The following FAM135A variants were observed in gnomAD, a reference collection of about 807,000 sequenced individuals.
FAM135A encodes the protein protein FAM135A.
A neutral mutation model predicts 146.8 loss-of-function variants in FAM135A; 79 were observed. That is an observed-to-expected ratio of 0.54 (90% CI 0.45 to 0.65). The LOEUF is 0.65. Among genes scored for constraint, FAM135A ranks in the 30% least tolerant of loss-of-function variants. The pLI is 0.00. For missense variants in FAM135A, 1,623 were observed against 1,758.2 expected (o/e 0.92, Z 1.38); for synonymous variants, 562 against 603.6 (o/e 0.93, Z 1.01).
intron 10 of FAM135A, chr6:70,486,087 T>A: frequency 8.2e-7 from 1 of 1,216,212 alleles, no homozygotes; most frequent in Non-Finnish European, 1.2e-6. Flanking sequence ...AAGTCTATTA[T>A]TAACAAGTTG....
chr6:70,451,888 A>G (rs1166792130), intron 4 of FAM135A, among the ~76,000 whole-genome samples: 2 of 152,062 alleles, frequency 1.3e-5, no homozygotes, highest in African/African-American at 2.4e-5. Context: ...TAAGACAGTC[A>G]TATTATAGTT....
At chr6:70,414,156 C>T in intron 1 of FAM135A, 1 of 567,726 alleles carries the variant, frequency 1.8e-6, no homozygotes, top group Non-Finnish European at 2.2e-6. Flanking sequence ...CTCTGTGCTT[C>T]CATCCCTTGC....
intron 20 of FAM135A, among the ~76,000 whole-genome samples, chr6:70,543,057 T>C (rs7756774): frequency 0.2 from 30,899 of 152,150 alleles, 3,484 homozygotes; most frequent in African/African-American, 0.3. Flanking sequence ...CCCACATACA[T>C]ATTCAGTATG....
chr6:70,550,979 C>G (rs1799722411), intron 20 of FAM135A, among the ~76,000 whole-genome samples: 1 of 152,162 alleles, frequency 6.6e-6, no homozygotes, highest in African/African-American at 2.4e-5. Context: ...TGCTGGCTTC[C>G]AGCTGTTCTG....
At chr6:70,414,025 AC>A in intron 1 of FAM135A, 1 of 985,262 alleles carries the variant, frequency 1.0e-6, no homozygotes, top group South Asian at 4.7e-5. Context: ...TTTGCCCTTC[AC>A]CCCTGCTCCA....
rs763924070 is a variant in FAM135A, at chr6:70,477,197, G to A, written c.407G>A (p.Arg136Gln). 11 of 1,613,460 alleles carry A rather than the reference G, an allele frequency of 6.8e-6. No homozygotes were observed. The South Asian group carries it at 7.7e-5, about 11-fold the overall frequency. The part of the protein sequence containing the change: ...DLNALQLISS[R>Q]TLKLHFSPHR... Reference sequence around the variant, plus strand: ...AATGCCTTGCAACTAATAAGTAGCCGAACATTGAAGCTGCACTTTAGCCCC... The same window carrying A: ...AATGCCTTGCAACTAATAAGTAGCCAAACATTGAAGCTGCACTTTAGCCCC... The change falls in exon 8 of 22, where the codon CGA becomes CAA. Residue 136 changes from arginine to glutamine, a missense_variant. Coordinates refer to ENST00000418814, the MANE Select transcript of FAM135A (RefSeq NM_001162529.3).
chr6:70,552,926 T>G (rs1322096882), intron 20 of FAM135A, among the ~76,000 whole-genome samples: 3 of 152,194 alleles, frequency 2.0e-5, no homozygotes, highest in African/African-American at 7.2e-5. Flanking sequence ...TTTGAGAGCC[T>G]ACTGTTTGTT....
chr6:70,503,926 GGCTATTACAAACCAA>G (rs1221205100), intron 12 of FAM135A: 1 of 152,080 alleles, frequency 6.6e-6, no homozygotes, highest in East Asian at 1.9e-4. Flanking sequence ...TCTAACTTGT[GGCTATTACAAACCAA>G]GCTGCTATGA....
chr6:70,550,557 G>A (rs1192745487), intron 20 of FAM135A, among the ~76,000 whole-genome samples: 1 of 152,134 alleles, frequency 6.6e-6, no homozygotes, highest in Non-Finnish European at 1.5e-5. Context: ...TCAACTGTGG[G>A]CTTAAAATAT....
In FAM135A at chr6:70,524,614, A is replaced by G; in HGVS notation, c.1530A>G (p.Ile510Met). 1 of 1,544,126 alleles carries G rather than the reference A, an allele frequency of 6.5e-7. No individual in the cohort carries two copies. The highest frequency in any genetic ancestry group is 8.7e-7 in the Non-Finnish European group (1 of 1,145,126). Reference sequence around the variant, plus strand: ...AATCTGAAAACACAAAAAAATTAATAAAACAGAACTCTAAGGATTCTGTGG... The same window carrying G: ...AATCTGAAAACACAAAAAAATTAATGAAACAGAACTCTAAGGATTCTGTGG... ...TMKSENTKKLIKQNSKDSVVL... is the reference protein window; with the variant it reads ...TMKSENTKKLMKQNSKDSVVL... Residue 510 changes from isoleucine (I) to methionine (M), a missense_variant, in exon 15 of 22, where the codon ATA (isoleucine) becomes ATG (methionine). By Grantham distance (10) the Ile-to-Met change is conservative. Transcript: ENST00000418814.
chr6:70,526,014 C>T lies in FAM135A; in HGVS notation c.2930C>T (p.Pro977Leu), dbSNP rs1794618707. 6.2e-7 allele frequency: 1 copy of T among 1,612,116 alleles called. No homozygotes were observed. ...TCAAAACTGATTTGTTTAGGCACTC[C>T]TTGTGTCATTTCAGGTTCCATTTCT... Reference protein sequence around the residue: ...LNSKLICLGTPCVISGSISSN... With the variant: ...LNSKLICLGTLCVISGSISSN... The change falls in exon 15 of 22, where the codon CCT (proline) becomes CTT (leucine). Residue 977 changes from proline to leucine, a missense_variant. Around this residue, in one of 7 missense-constraint regions of FAM135A, gnomAD observed 1,061 missense variants for 1,113.8 expected, o/e 0.95. Transcript: ENST00000418814.
chr6:70,533,758 A>G lies in FAM135A; in HGVS notation c.3869A>G (p.Asn1290Ser), dbSNP rs769511196. ...GTATGTGCTTTGCTTTCTTTTTAGA[A>G]TGATACTTTTGCTGATTTTGATAGC... ...IDFLMSERNQNDTFADFDSMT... is the reference protein window; with the variant it reads ...IDFLMSERNQSDTFADFDSMT... The change falls in exon 18 of 22, where the codon AAT becomes AGT. Residue 1290 changes from asparagine to serine, a missense_variant and splice_region_variant. By Grantham distance (46) the Asn-to-Ser change is conservative. Transcript: ENST00000418814. 3 of 1,566,926 alleles carry G rather than the reference A, an allele frequency of 1.9e-6. No individual in the cohort carries two copies. Among genetic ancestry groups the G allele is most frequent in the South Asian group, 2.4e-5 (2 of 83,004 alleles).
chr6:70,541,458 A>T (rs1223810742), intron 20 of FAM135A, among the ~76,000 whole-genome samples: 1 of 151,846 alleles, frequency 6.6e-6, no homozygotes, highest in Non-Finnish European at 1.5e-5. Flanking sequence ...TCCTTTCTCC[A>T]TTTTTGTGGG....
At chr6:70,439,785 C>CTTT (rs1464807274) in intron 4 of FAM135A, among the ~76,000 whole-genome samples, 2 of 152,144 alleles carry the variant, frequency 1.3e-5, no homozygotes, top group African/African-American at 4.8e-5. Flanking sequence ...CTAGGACTAA[C>CTTT]TTTTGTTTCT....
intron 5 of FAM135A, among the ~76,000 whole-genome samples, chr6:70,471,944 G>A (rs1014618543): frequency 1.4e-4 from 22 of 152,080 alleles, no homozygotes; most frequent in Non-Finnish European, 3.1e-4. Flanking sequence ...TTTTGAAAAA[G>A]TGATCTTAAA....
chr6:70,443,913 C>G (rs908405906), intron 4 of FAM135A, among the ~76,000 whole-genome samples: 15 of 152,078 alleles, frequency 9.9e-5, no homozygotes, highest in African/African-American at 3.6e-4. Flanking sequence ...CTTGGTAATT[C>G]CATACTATCT....
intron 5 of FAM135A, among the ~76,000 whole-genome samples, chr6:70,465,918 A>C (rs1027507648): frequency 2.0e-5 from 3 of 152,128 alleles, no homozygotes; most frequent in Non-Finnish European, 2.9e-5. Flanking sequence ...TCATTTGACT[A>C]ACTCTTTTTC....
chr6:70,435,394 C>T (rs535313456), intron 4 of FAM135A, among the ~76,000 whole-genome samples: 9 of 152,022 alleles, frequency 5.9e-5, no homozygotes, highest in Non-Finnish European at 8.8e-5. Context: ...CGTGAGTGAC[C>T]GCACCCGGCC....
chr6:70,488,336 A>G (rs1785129094), intron 10 of FAM135A, among the ~76,000 whole-genome samples: 2 of 152,160 alleles, frequency 1.3e-5, no homozygotes, highest in Non-Finnish European at 2.9e-5. Context: ...CAAGATGCAA[A>G]AAATTGTGCA....
Sources: gnomAD v4.1 joint callset for allele counts (sites outside exome capture counted in the v4.1 genomes callset) on GRCh38, gnomAD v4.1.1 for gene constraint, gnomAD v4.1.1 regional missense constraint, MANE v1.5 for transcripts, NCBI Gene and HGNC (gene_info 2026-07-23, HGNC 2026-07-21) for gene names.